Variants in HERC1 observed in about 807,000 individuals in gnomAD.
HERC1 encodes probable E3 ubiquitin-protein ligase HERC1.
HERC1 carries 160 observed loss-of-function variants against 554.3 expected under a neutral mutation model. The ratio of observed to expected loss-of-function variants is 0.29; its 90% CI spans 0.25 to 0.33. The LOEUF (loss-of-function observed/expected upper bound fraction) is 0.33. Among genes scored for constraint, HERC1 ranks in the 10% least tolerant of loss-of-function variants. The pLI, the probability that HERC1 is intolerant of heterozygous loss-of-function variation, is 1.00. For synonymous variants in HERC1, 2,175 were observed against 2,131.7 expected (o/e 1.02, Z -0.56); for missense variants, 4,919 against 5,918.5 (o/e 0.83, Z 5.54).
intron 36 of HERC1, among the ~76,000 whole-genome samples, chr15:63,678,822 G>C (rs1375388857): frequency 6.6e-6 from 1 of 152,146 alleles, no homozygotes; most frequent in Non-Finnish European, 1.5e-5. Context: ...GAAGTAAAAA[G>C]AGGAGCAAAA....
chr15:63,652,582 A>G, intron 51 of HERC1, 41 bp from the exon 52 acceptor site: 2 of 1,453,604 alleles, frequency 1.4e-6, no homozygotes, highest in Non-Finnish European at 1.9e-6. Context: ...TTTTCTATTC[A>G]AATGATTTTA....
intron 76 of HERC1, among the ~76,000 whole-genome samples, chr15:63,615,149 T>A (rs1247582437): frequency 6.6e-6 from 1 of 151,918 alleles, no homozygotes; most frequent in African/African-American, 2.4e-5. Context: ...CAGTAAGACA[T>A]GAGGACAAAC....
At chr15:63,778,739 C>T (rs936784866) in intron 1 of HERC1, among the ~76,000 whole-genome samples, 1 of 152,084 alleles carries the variant, frequency 6.6e-6, no homozygotes, top group Non-Finnish European at 1.5e-5. Context: ...CATGAGAAAA[C>T]TCAAGTGCAT....
intron 1 of HERC1, among the ~76,000 whole-genome samples, chr15:63,797,473 C>G (rs1300351479): frequency 3.3e-5 from 5 of 152,170 alleles, no homozygotes. Context: ...ACTTAACATC[C>G]TGTGGCCCTA....
chr15:63,755,979 A>T (rs144119204), intron 5 of HERC1, among the ~76,000 whole-genome samples: 1,849 of 152,258 alleles, frequency 0.012, 13 homozygotes, highest in Non-Finnish European at 0.019. Flanking sequence ...CTCATTACCT[A>T]ATACCACACC....
intron 1 of HERC1, among the ~76,000 whole-genome samples, chr15:63,812,026 A>T (rs1184224063): frequency 6.6e-6 from 1 of 152,200 alleles, no homozygotes; most frequent in Non-Finnish European, 1.5e-5. Flanking sequence ...AAGTAATTAC[A>T]GTGAATCCAT....
rs764852916 is a variant in HERC1, at chr15:63,609,176, G to A, written c.14491C>T (p.Arg4831Cys). 12 of 1,613,740 alleles carry A rather than the reference G, an allele frequency of 7.4e-6. No homozygotes were observed. The highest frequency in any genetic ancestry group is 1.0e-5 in the Non-Finnish European group (12 of 1,179,818). The change falls in exon 78 of 78, where the codon CGC becomes TGC. Residue 4831 changes from arginine (R) to cysteine (C), a missense_variant. By Grantham distance (180) the Arg-to-Cys change is radical. Transcript: ENST00000443617. The stretch of plus-strand genomic sequence containing the variant: ...GAGCGGCAGTTGTTGATGGCATAGC[G>A]CAGGCGCTCGGCCATGACCAGCTGG... ...SSQLVMAERL[R>C]YAINNCRSID...
Position 63,680,598 on chromosome 15 carries a change from T to C in HERC1, c.6404A>G (p.Asp2135Gly). Residue 2135 changes from aspartate to glycine, a missense_variant, in exon 35 of 78, where the codon GAT becomes GGT. Asp to Gly is a moderately conservative substitution (Grantham distance 94). This residue lies in a region of HERC1 where 85 missense variants were observed against 163.2 expected (regional missense o/e 0.52). Coordinates refer to ENST00000443617, the MANE Select transcript of HERC1 (RefSeq NM_003922.4). The surrounding 1 kb of genome is among the most constrained non-coding windows in gnomAD (Gnocchi z 5.8). ...TLTLSSFTQG[D>G]FITCVLDMEA... Reference sequence around the variant, plus strand: ...CATGTCTAACACACAGGTAATGAAATCTCCTTGAGTAAAGCTGGACAATGT... The same window carrying C: ...CATGTCTAACACACAGGTAATGAAACCTCCTTGAGTAAAGCTGGACAATGT... 1.2e-6 allele frequency: 2 copies of C among 1,613,716 alleles called. No homozygotes were observed. Among genetic ancestry groups the C allele is most frequent in the Non-Finnish European group, 1.7e-6 (2 of 1,179,748 alleles).
intron 1 of HERC1, among the ~76,000 whole-genome samples, chr15:63,832,646 T>G (rs1050471872): frequency 2.0e-5 from 3 of 152,232 alleles, no homozygotes; most frequent in Non-Finnish European, 2.9e-5. Context: ...GTTTGATTTT[T>G]CAAACCACTT....
intron 1 of HERC1, among the ~76,000 whole-genome samples, chr15:63,791,895 T>C (rs1368376600): frequency 1.3e-5 from 2 of 152,214 alleles, no homozygotes; most frequent in African/African-American, 4.8e-5. Flanking sequence ...ATCTCCTATA[T>C]TGATGCCCCA....
At chr15:63,682,555 G>A (rs2153004686) in intron 34 of HERC1, among the ~76,000 whole-genome samples, 1 of 152,284 alleles carries the variant, frequency 6.6e-6, no homozygotes, top group Non-Finnish European at 1.5e-5. Flanking sequence ...AGGACTGCTT[G>A]AAGCCAGGAG....
intron 5 of HERC1, among the ~76,000 whole-genome samples, chr15:63,755,814 G>A (rs1398165211): frequency 6.6e-6 from 1 of 151,958 alleles, no homozygotes; most frequent in East Asian, 1.9e-4. Context: ...GAAGAGAGAG[G>A]AGGGGAGATT....
rs761544576 is a variant in HERC1, at chr15:63,661,012, C to A, written c.9184G>T (p.Ala3062Ser). Residue 3062 changes from alanine (A) to serine (S), a missense_variant, in exon 46 of 78, where the codon GCT becomes TCT. Ala to Ser is a moderately conservative substitution (Grantham distance 99, BLOSUM62 1). Around this residue, in one of 11 missense-constraint regions of HERC1, gnomAD observed 1,963 missense variants for 2,228.6 expected, o/e 0.88. Transcript: ENST00000443617. ...STSSERYKGQ[A>S]PDLIGKQDSV... is the part of the protein sequence containing the mutation. ...TCTTGCTTGCCAATTAGATCTGGAG[C>A]TTGTCCCTTGTACCTGCACCAAACA... 3.1e-6 allele frequency: 5 copies of A among 1,612,106 alleles called. No individual in the cohort carries two copies. Among genetic ancestry groups the A allele is most frequent in the Non-Finnish European group, 3.4e-6 (4 of 1,178,260 alleles).
In HERC1 at chr15:63,680,092, G is replaced by A; in HGVS notation, c.6534C>T (p.Ser2178=). ...ELYPCVMFYS[S]NPGEKVKICD... ...ACTTCATTACCTTTTCCCCTGGATT[G>A]CTACTATAGAACATCACACATGGGT... The change falls in exon 36 of 78, where the codon AGC becomes AGT. Residue 2178 remains serine, a synonymous_variant. Coordinates refer to ENST00000443617, the MANE Select transcript of HERC1 (RefSeq NM_003922.4). This position sits in a 1 kb window ranked among gnomAD's most constrained non-coding sequence, Gnocchi z 5.8. 1 of 1,609,586 alleles carries A rather than the reference G, an allele frequency of 6.2e-7. No individual in the cohort carries two copies. Among genetic ancestry groups the A allele is most frequent in the Non-Finnish European group, 8.5e-7 (1 of 1,176,838 alleles).
At chr15:63,710,045 C>G (rs2073215640) in intron 24 of HERC1, among the ~76,000 whole-genome samples, 1 of 152,186 alleles carries the variant, frequency 6.6e-6, no homozygotes, top group Admixed American at 6.5e-5. Flanking sequence ...TGGGGTCTGG[C>G]AGATGAACTA....
rs539064338 is a variant in HERC1 at position 63,767,868 on chromosome 15, T to C, written c.931-3677A>G. ...CTATGATGAAGTCCATGTGAATGAC[T>C]TTCACACCACTCTCCTCACCCCAGC... On this transcript the variant is annotated intron_variant, in intron 2 of 77. Coordinates refer to ENST00000443617, the MANE Select transcript of HERC1 (RefSeq NM_003922.4). Among the ~76,000 whole-genome samples, 26 of 152,306 alleles carry C rather than the reference T, an allele frequency of 1.7e-4. No homozygotes were observed. The South Asian group carries it at 4.8e-3, about 28-fold the overall frequency.
At position 63,680,319 on chromosome 15, in the gene HERC1, A is replaced by G. The variant is rs977559440; in HGVS notation, c.6466-159T>C. On this transcript the variant is annotated intron_variant, in intron 35 of 77. Transcript: ENST00000443617. This position sits in a 1 kb window ranked among gnomAD's most constrained non-coding sequence, Gnocchi z 5.8. ...TGCTAACCGAGAAAATTCTACATAT[A>G]ATAAGTGATCATAATGTGTTCATCT... is the stretch of plus-strand genomic sequence containing the variant. Among the ~76,000 whole-genome samples, 3 of 152,204 alleles carry G rather than the reference A, an allele frequency of 2.0e-5. No homozygotes were observed. The highest frequency in any genetic ancestry group is 7.2e-5 in the African/African-American group (3 of 41,442).
intron 48 of HERC1, among the ~76,000 whole-genome samples, chr15:63,656,852 TG>T (rs1566979313): frequency 6.6e-6 from 1 of 152,204 alleles, no homozygotes; most frequent in Non-Finnish European, 1.5e-5. Context: ...ATATTATGTT[TG>T]TAAGATTCAT....
At chr15:63,721,045 T>A (rs1183542047) in intron 19 of HERC1, among the ~76,000 whole-genome samples, 5 of 152,206 alleles carry the variant, frequency 3.3e-5, no homozygotes, top group Admixed American at 3.3e-4. Context: ...TAGTTTTTTT[T>A]TTAGTTCTCA....
Sources: allele counts gnomAD v4.1 joint callset (sites outside exome capture counted in the v4.1 genomes callset), GRCh38; gene constraint gnomAD v4.1.1; regional missense constraint gnomAD v4.1.1; non-coding constraint Gnocchi (gnomAD v3.1); transcripts MANE v1.5; gene names NCBI Gene and HGNC (gene_info 2026-07-23, HGNC 2026-07-21).